FBXO24: variants seen among roughly 807,000 people sequenced by gnomAD.
FBXO24 encodes F-box only protein 24.
In FBXO24, 30 loss-of-function variants were observed where a neutral mutation model predicts 63.5. The observed-to-expected ratio is 0.47, with a 90% CI of 0.35 to 0.64. The LOEUF (loss-of-function observed/expected upper bound fraction) is 0.64, where lower values mean the gene tolerates loss of function less well. Among genes scored for constraint, FBXO24 ranks in the 30% least tolerant of loss-of-function variants. FBXO24 has a pLI of 0.00. For synonymous variants in FBXO24, 300 were observed against 305.0 expected (o/e 0.98, Z 0.17); for missense variants, 624 against 763.4 (o/e 0.82, Z 2.15).
rs906585575 is a variant in FBXO24, at chr7:100,601,081, A to G, written c.*182A>G. 1 of 695,396 alleles carries G rather than the reference A, an allele frequency of 1.4e-6. No individual in the cohort carries two copies. The highest frequency in any genetic ancestry group is 2.2e-6 in the Non-Finnish European group (1 of 446,490). The allele number at this position is 695,396 out of a possible 1,614,324, so 43.1% of individuals were successfully genotyped here. On this transcript the variant is annotated 3_prime_UTR_variant, in exon 10 of 10. Coordinates refer to ENST00000241071, the MANE Select transcript of FBXO24 (RefSeq NM_033506.3). ...GGCCCCCAACCTGACTATCATGGAC[A>G]AGAGATTTGATGGATAGAATAAAAG...
chr7:100,591,011 C>G (rs1801988855), intron 3 of FBXO24, among the ~76,000 whole-genome samples: 1 of 143,770 alleles, frequency 7.0e-6, no homozygotes, highest in African/African-American at 2.6e-5. Flanking sequence ...TGTCTCTTCT[C>G]TTTTCTTTCT....
chr7:100,589,252 T>G, intron 1 of FBXO24: 1 of 296,894 alleles, frequency 3.4e-6, no homozygotes. Flanking sequence ...GTTTATAGTT[T>G]TTTGAGTCTA....
At position 100,590,061 on chromosome 7, in the gene FBXO24, T is replaced by C. The variant is rs896179202; in HGVS notation, c.124T>C (p.Phe42Leu). The change falls in exon 2 of 10, where the codon TTC (phenylalanine) becomes CTC (leucine). Residue 42 changes from phenylalanine to leucine, a missense_variant. By Grantham distance (22) the Phe-to-Leu change is conservative. This residue lies in a region of FBXO24 where 391 missense variants were observed against 469.1 expected (regional missense o/e 0.83). Transcript: ENST00000241071. ...AGGAAATCCGATTTCCATCCAGTTG[T>C]TCCCCCCAGAGCTGGTGAGTCCTTG... is the stretch of plus-strand genomic sequence containing the variant. The part of the protein sequence containing the change: ...GKGNPISIQL[F>L]PPELVEHIIS... 1.3e-5 allele frequency: 21 copies of C among 1,613,494 alleles called. No individual in the cohort carries two copies. Among genetic ancestry groups the C allele is most frequent in the Admixed American group, 1.2e-4 (7 of 59,950 alleles).
chr7:100,591,368 T>C (rs1416191135), intron 3 of FBXO24, among the ~76,000 whole-genome samples: 1 of 152,170 alleles, frequency 6.6e-6, no homozygotes, highest in Non-Finnish European at 1.5e-5. Context: ...ACGCAGCCTC[T>C]GTGTCTTTAT....
At position 100,600,893 on chromosome 7, in the gene FBXO24, G is replaced by A. The variant is rs757628178; in HGVS notation, c.1737G>A (p.Glu579=). The A allele has an allele frequency of 1.7e-5, 27 of 1,612,278 alleles. No homozygotes were observed. In the South Asian group the frequency reaches 2.7e-4, roughly 16 times the overall value. The change falls in exon 10 of 10, where the codon GAG becomes GAA. Residue 579 remains glutamate (E), a synonymous_variant. Transcript: ENST00000241071. The surrounding 1 kb of genome is among the most constrained non-coding windows in gnomAD (Gnocchi z 6.3). ...GGGGVGPPAP[E]T ...GTGGTGTAGGGCCCCCAGCCCCTGA[G>A]ACCTAATCCCCCTCATGCTAGCCTA...
chr7:100,586,886 C>G, intron 1 of FBXO24: 3 of 344,038 alleles, frequency 8.7e-6, no homozygotes, highest in South Asian at 2.4e-5. Context: ...AAGCCTCTGG[C>G]AGGGGTCTCG....
rs772661530 is a variant in FBXO24, at chr7:100,600,066, C to A, written c.1242C>A (p.Cys414Ter). 51 of 1,608,180 alleles carry A rather than the reference C, an allele frequency of 3.2e-5. No homozygotes were observed. Among genetic ancestry groups the A allele is most frequent in the Non-Finnish European group, 4.2e-5 (49 of 1,178,178 alleles). ...TGCAGCGGCCCATCACCCTGTGGTG[C>A]GGCCTCAACCACTCCCTGGTGCTGA... ...CYLQRPITLW[C>*]GLNHSLVLSQ... The change falls in exon 9 of 10, where the codon TGC (cysteine) becomes TGA (stop). Residue 414 changes from cysteine (C) to a stop codon, truncating the protein, a stop_gained. Coordinates refer to ENST00000241071, the MANE Select transcript of FBXO24 (RefSeq NM_033506.3). LOFTEE classifies it high-confidence loss of function. The surrounding 1 kb of genome is among the most constrained non-coding windows in gnomAD (Gnocchi z 6.3).
In FBXO24 at chr7:100,600,863, CG is replaced by C. The variant is rs1562824477; in HGVS notation, c.1712del (p.Gly571ValfsTer3). On this transcript the variant is annotated frameshift_variant, in exon 10 of 10. Transcript: ENST00000241071. LOFTEE classifies it high-confidence loss of function. The surrounding 1 kb of genome is among the most constrained non-coding windows in gnomAD (Gnocchi z 6.3). ...ACATGCTGCAGAGGGCTGAAGGAGG[CG>C]GGGGTGGTGTAGGGCCCCCAGCCCC... Reference protein sequence around the residue: ...LDMLQRAEGGGGGVGPPAPET With the variant: ...LDMLQRAEGGXGGVGPPAPET 1 of 1,613,738 alleles carries C rather than the reference CG, an allele frequency of 6.2e-7. No homozygotes were observed. Among genetic ancestry groups the C allele is most frequent in the Admixed American group, 1.7e-5 (1 of 60,012 alleles).
At position 100,593,002 on chromosome 7, in the gene FBXO24, C is replaced by G; in HGVS notation, c.778C>G (p.Leu260Val). The change falls in exon 5 of 10, where the codon CTA becomes GTA. Residue 260 changes from leucine (L) to valine (V), a missense_variant. This residue lies in a region of FBXO24 where 391 missense variants were observed against 469.1 expected (regional missense o/e 0.83). Transcript: ENST00000241071. ...VLVGQETQRA[L>V]LLLTEEGKIY... The stretch of plus-strand genomic sequence containing the variant: ...GGTTGGTCAGGAGACCCAGCGGGCT[C>G]TACTGCTCCTCACAGGTGTGGCCCA... 4 of 1,613,952 alleles carry G rather than the reference C, an allele frequency of 2.5e-6. No homozygotes were observed. Among genetic ancestry groups the G allele is most frequent in the Non-Finnish European group, 3.4e-6 (4 of 1,179,894 alleles).
intron 1 of FBXO24, chr7:100,589,405 A>G: frequency 8.3e-7 from 1 of 1,203,452 alleles, no homozygotes; most frequent in East Asian, 3.5e-5. Flanking sequence ...GTCACCTACC[A>G]GTAATTCACA....
At chr7:100,588,446 A>G (rs773481225) in intron 1 of FBXO24, among the ~76,000 whole-genome samples, 3 of 152,152 alleles carry the variant, frequency 2.0e-5, no homozygotes, top group Non-Finnish European at 4.4e-5. Flanking sequence ...ATTCCATCTC[A>G]GGCATCCCAG....
At chr7:100,592,762 C>A in intron 4 of FBXO24, 21 bp from the exon 5 acceptor site, 1 of 1,597,490 alleles carries the variant, frequency 6.3e-7, no homozygotes, top group Non-Finnish European at 8.6e-7. Flanking sequence ...AGATCCCAGA[C>A]GCCCTCATCT....
chr7:100,588,986 G>A (rs557210710), intron 1 of FBXO24, among the ~76,000 whole-genome samples: 1 of 151,704 alleles, frequency 6.6e-6, no homozygotes, highest in South Asian at 2.1e-4. Flanking sequence ...CCACGCCTGG[G>A]TAATTTTTAA....
In FBXO24 at chr7:100,595,704, C is replaced by G; in HGVS notation, c.1204C>G (p.Gln402Glu). The G allele has an allele frequency of 6.2e-7, 1 of 1,601,650 alleles. No homozygotes were observed. Among genetic ancestry groups the G allele is most frequent in the East Asian group, 2.2e-5 (1 of 44,630 alleles). ...GDKMDRGEPT[Q>E]VCYLQRPITL... ...CAAAATGGACCGAGGGGAACCCACA[C>G]AGGTGAGACTATTTCCCAGCAACTC... The change falls in exon 8 of 10, where the codon CAG (glutamine) becomes GAG (glutamate). Residue 402 changes from glutamine to glutamate, a missense_variant and splice_region_variant. This residue lies in a region of FBXO24 where 216 missense variants were observed against 245.2 expected (regional missense o/e 0.88). Coordinates refer to ENST00000241071, the MANE Select transcript of FBXO24 (RefSeq NM_033506.3).
chr7:100,594,238 C>G lies in FBXO24; in HGVS notation c.794-145C>G, dbSNP rs1166347807. 1.2e-6 allele frequency: 1 copy of G among 817,978 alleles called. No homozygotes were observed. Among genetic ancestry groups the G allele is most frequent in the Non-Finnish European group, 1.9e-6 (1 of 538,102 alleles). The allele number at this position is 817,978 out of a possible 1,614,324, so 50.7% of individuals were successfully genotyped here. A position where few individuals can be genotyped will look rare whatever the true frequency, so the allele number is the denominator to read the frequency against. On this transcript the variant is annotated intron_variant, in intron 5 of 9. Coordinates refer to ENST00000241071, the MANE Select transcript of FBXO24 (RefSeq NM_033506.3). This position sits in a 1 kb window ranked among gnomAD's most constrained non-coding sequence, Gnocchi z 4.2. Reference sequence around the variant, plus strand: ...ATGGTGGGAACTGGAGTCTGGGGGACTTGGGGTCACTCTTCCCTTATTTCT... The same window carrying G: ...ATGGTGGGAACTGGAGTCTGGGGGAGTTGGGGTCACTCTTCCCTTATTTCT...
rs750783632 is a variant in FBXO24, at chr7:100,586,676, C to CTT, written c.39+14_39+15dup. ...TAAGGAGGAGGCGGGTGAGCTAGAA[C>CTT]TTTAAGACTGAGGTTAAGAATGAAC... On this transcript the variant is annotated intron_variant, in intron 1 of 9. Coordinates refer to ENST00000241071, the MANE Select transcript of FBXO24 (RefSeq NM_033506.3). 1.9e-6 allele frequency: 3 copies of CTT among 1,614,044 alleles called. No homozygotes were observed. The highest frequency in any genetic ancestry group is 2.5e-6 in the Non-Finnish European group (3 of 1,179,988).
At chr7:100,592,259 C>T (rs190566175) in intron 4 of FBXO24, 4 of 236,328 alleles carry the variant, frequency 1.7e-5, no homozygotes, top group East Asian at 1.1e-4. Context: ...GACTCCGTCT[C>T]GAAAAAAAAA....
In FBXO24 at chr7:100,592,845, G is replaced by T; in HGVS notation, c.621G>T (p.Arg207=). 6.2e-7 allele frequency: 1 copy of T among 1,614,176 alleles called. No homozygotes were observed. Among genetic ancestry groups the T allele is most frequent in the Non-Finnish European group, 8.5e-7 (1 of 1,180,032 alleles). ...YRKYLYVLAT[R]EPQEVVGTTS... is the part of the protein sequence containing the mutation. Reference sequence around the variant, plus strand: ...AATACCTCTACGTCTTGGCCACTCGGGAGCCGCAGGAAGTGGTGGGTACCA... The same window carrying T: ...AATACCTCTACGTCTTGGCCACTCGTGAGCCGCAGGAAGTGGTGGGTACCA... The change falls in exon 5 of 10, where the codon CGG becomes CGT. Residue 207 remains arginine, a synonymous_variant. Transcript: ENST00000241071.
intron 4 of FBXO24, chr7:100,592,192 G>A: frequency 2.7e-6 from 1 of 371,020 alleles, no homozygotes; most frequent in Non-Finnish European, 5.1e-6. Context: ...TTGGGAGGCA[G>A]AGGCTGCAGT....
Sources: allele counts gnomAD v4.1 joint callset (sites outside exome capture counted in the v4.1 genomes callset), GRCh38; gene constraint gnomAD v4.1.1; regional missense constraint gnomAD v4.1.1; non-coding constraint Gnocchi (gnomAD v3.1); transcripts MANE v1.5; gene names NCBI Gene and HGNC (gene_info 2026-07-23, HGNC 2026-07-21).